Variants in ZNF536 observed in about 807,000 individuals in gnomAD.
ZNF536 encodes the protein zinc finger protein 536.
ZNF536 carries 13 observed loss-of-function variants against 84.5 expected under a neutral mutation model. The ratio of observed to expected loss-of-function variants is 0.15; its 90% CI spans 0.10 to 0.24. The LOEUF (loss-of-function observed/expected upper bound fraction) is 0.24. Ranked by LOEUF, ZNF536 falls within the 10% of genes least tolerant of loss-of-function variation. ZNF536 has a pLI of 1.00. For synonymous variants in ZNF536, 811 were observed against 742.5 expected (o/e 1.09, Z -1.50); for missense variants, 1,536 against 1,747.5 (o/e 0.88, Z 2.16).
At chr19:30,549,942 C>G (rs1017656830) in intron 4 of ZNF536, among the ~76,000 whole-genome samples, 1 of 152,220 alleles carries the variant, frequency 6.6e-6, no homozygotes, top group Non-Finnish European at 1.5e-5. Context: ...TAAGCCAAAT[C>G]TGCTTTCTTA....
At chr19:30,442,488 A>G (rs1158644596) in intron 1 of ZNF536, among the ~76,000 whole-genome samples, 1 of 152,212 alleles carries the variant, frequency 6.6e-6, no homozygotes, top group Non-Finnish European at 1.5e-5. Flanking sequence ...CTATGGCATC[A>G]TTCCTGGATT....
intron 1 of ZNF536, among the ~76,000 whole-genome samples, chr19:30,605,067 A>G (rs2047820562): frequency 6.6e-6 from 1 of 152,166 alleles, no homozygotes. Flanking sequence ...CATTATCCCC[A>G]TTTTACAGAT....
At position 30,611,327 on chromosome 19, in the gene ZNF536, G is replaced by A. The variant is rs768211905; in HGVS notation, c.169+61813G>A. 9.2e-5 allele frequency among the ~76,000 whole-genome samples: 14 copies of A among 152,250 alleles called. No homozygotes were observed. The South Asian group carries it at 1.5e-3, about 16-fold the overall frequency. ...GAAATCTCAAGTGAGGGGGAGCCCTGAAGTGGGGGACCTCAAAGCCACTCA... is the reference window on the plus strand; with the variant it reads ...GAAATCTCAAGTGAGGGGGAGCCCTAAAGTGGGGGACCTCAAAGCCACTCA... On this transcript the variant is annotated intron_variant, in intron 1 of 1. Transcript: ENST00000592773.
intron 1 of ZNF536, among the ~76,000 whole-genome samples, chr19:30,599,348 A>C (rs1404290705): frequency 5.2e-4 from 39 of 74,506 alleles, no homozygotes; most frequent in East Asian, 7.6e-4. Flanking sequence ...TCCCTCCCTG[A>C]TCCCTCCTTC....
intron 1 of ZNF536, among the ~76,000 whole-genome samples, chr19:30,650,733 A>G (rs2049670426): frequency 6.6e-6 from 1 of 152,238 alleles, no homozygotes; most frequent in African/African-American, 2.4e-5. Context: ...CAGATGACCA[A>G]GGTTGGTTGT....
downstream of ZNF536, among the ~76,000 whole-genome samples, chr19:30,562,400 G>A (rs1005573625): frequency 7.9e-5 from 12 of 152,164 alleles, no homozygotes; most frequent in Admixed American, 3.9e-4. Flanking sequence ...AGATATTTCT[G>A]TTAAATTAGA....
At chr19:30,379,332 G>C (rs1443303122) in intron 1 of ZNF536, among the ~76,000 whole-genome samples, 1 of 152,080 alleles carries the variant, frequency 6.6e-6, no homozygotes, top group Non-Finnish European at 1.5e-5. Flanking sequence ...GCTCTGTGCT[G>C]CCCGGCATGA....
chr19:30,572,721 G>A (rs2046594692), intron 1 of ZNF536, among the ~76,000 whole-genome samples: 1 of 152,152 alleles, frequency 6.6e-6, no homozygotes, highest in Non-Finnish European at 1.5e-5. Context: ...GTTCGGCATA[G>A]GATGAGTGAT....
chr19:30,436,867 T>A (rs996846815), intron 1 of ZNF536, among the ~76,000 whole-genome samples: 1 of 152,196 alleles, frequency 6.6e-6, no homozygotes, highest in African/African-American at 2.4e-5. Context: ...CAATGGTGTT[T>A]GGAAACCCCC....
chr19:30,435,164 GTGATGCTGATGATGCTGCTGCTGATGA>G (rs933809921), intron 1 of ZNF536, among the ~76,000 whole-genome samples: 5 of 150,782 alleles, frequency 3.3e-5, no homozygotes, highest in African/African-American at 1.2e-4. Context: ...GGTGATGGTG[GTGATGCTGATGATGCTGCTGCTGATGA>G]TGATGCTGAT....
At position 30,549,160 on chromosome 19, in the gene ZNF536, G is replaced by A. The variant is rs2146240981; in HGVS notation, c.3541G>A (p.Glu1181Lys). The A allele has an allele frequency of 1.2e-6, 2 of 1,614,072 alleles. No individual in the cohort carries two copies. The highest frequency in any genetic ancestry group is 1.1e-5 in the South Asian group (1 of 91,088). The change falls in exon 4 of 5, where the codon GAG becomes AAG. Residue 1181 changes from glutamate to lysine, a missense_variant. Physicochemically the swap from Glu to Lys is moderately conservative, Grantham distance 56. This residue lies in a region of ZNF536 where 624 missense variants were observed against 603.1 expected (regional missense o/e 1.03). Coordinates refer to ENST00000355537, the MANE Select transcript of ZNF536 (RefSeq NM_014717.3). ...DSSKGENNDE[E>K]DVETEPEMMT... ...CTCCAAGGGGGAGAACAACGATGAA[G>A]AGGATGTTGAAACCGAACCGGAAAT...
intron 3 of ZNF536, among the ~76,000 whole-genome samples, chr19:30,546,612 A>T (rs1417758748): frequency 6.6e-6 from 1 of 152,244 alleles, no homozygotes; most frequent in African/African-American, 2.4e-5. Flanking sequence ...CGCTGAGACT[A>T]GACACAGTGA....
intron 1 of ZNF536, among the ~76,000 whole-genome samples, chr19:30,403,499 G>A (rs1187148750): frequency 6.6e-6 from 1 of 152,186 alleles, no homozygotes; most frequent in Non-Finnish European, 1.5e-5. Context: ...TCTCCAATCA[G>A]GTCCAGGAGG....
chr19:30,405,504 G>A (rs2050226970), intron 1 of ZNF536, among the ~76,000 whole-genome samples: 1 of 152,106 alleles, frequency 6.6e-6, no homozygotes, highest in Non-Finnish European at 1.5e-5. Context: ...CCATCTCCTA[G>A]CTCCTGGCTT....
At chr19:30,275,247 G>A (rs1224647983) in intron 1 of ZNF536, among the ~76,000 whole-genome samples, 1 of 152,180 alleles carries the variant, frequency 6.6e-6, no homozygotes, top group East Asian at 1.9e-4. Context: ...TTGTTAGCCA[G>A]TGCTCCCTGC....
chr19:30,456,303 CTTTTCTT>C (rs2052838418), intron 2 of ZNF536, among the ~76,000 whole-genome samples: 1 of 114,096 alleles, frequency 8.8e-6, no homozygotes, highest in Non-Finnish European at 1.8e-5. Context: ...GGACTTGTTT[CTTTTCTT>C]TTTTTTTTTT....
At chr19:30,228,080 G>C (rs945524268), upstream of ZNF536, among the ~76,000 whole-genome samples, 3 of 152,112 alleles carry the variant, frequency 2.0e-5, no homozygotes, top group African/African-American at 7.2e-5. The surrounding 1 kb of genome is among the most constrained non-coding windows in gnomAD (Gnocchi z 4.5). Context: ...GTGTGTGGAA[G>C]GGGTGGTGAG....
intron 2 of ZNF536, among the ~76,000 whole-genome samples, chr19:30,526,029 T>C (rs1252194039): frequency 6.6e-6 from 1 of 152,226 alleles, no homozygotes; most frequent in Non-Finnish European, 1.5e-5. Flanking sequence ...AGACTCATTC[T>C]CCTGCCTGGG....
intron 1 of ZNF536, among the ~76,000 whole-genome samples, chr19:30,687,423 C>T (rs1397516584): frequency 1.3e-5 from 2 of 152,090 alleles, no homozygotes; most frequent in African/African-American, 2.4e-5. Flanking sequence ...TGCCCACGTC[C>T]GACACAGGGA....
Sources: allele counts gnomAD v4.1 joint callset (sites outside exome capture counted in the v4.1 genomes callset), GRCh38; gene constraint gnomAD v4.1.1; regional missense constraint gnomAD v4.1.1; non-coding constraint Gnocchi (gnomAD v3.1); transcripts MANE v1.5; gene names NCBI Gene and HGNC (gene_info 2026-07-23, HGNC 2026-07-21).